Variants in TRIM49 observed in about 807,000 individuals in gnomAD.
TRIM49 encodes the protein tripartite motif containing 49.
Under a neutral mutation model 27.4 loss-of-function variants are expected in TRIM49, and 5 were observed. The observed-to-expected ratio is 0.18, with a 90% CI of 0.10 to 0.38. The LOEUF is 0.38. Ranked by LOEUF, TRIM49 falls within the 10% of genes least tolerant of loss-of-function variation. The probability of loss-of-function intolerance (pLI) is 1.00; values close to 1 mark genes in which losing one functional copy is unlikely to be tolerated. For missense variants in TRIM49, 188 were observed against 487.5 expected (o/e 0.39, Z 5.79); for synonymous variants, 69 against 166.0 (o/e 0.42, Z 4.49).
At chr11:89,771,951 G>A in the TRIM49 span, among the ~76,000 whole-genome samples, 1 of 103,976 alleles carries the variant, frequency 9.6e-6, no homozygotes. Flanking sequence ...TAGTTTTAAA[G>A]CTTTTGACCT....
chr11:89,785,124 C>T, the TRIM49 span, among the ~76,000 whole-genome samples: 2 of 146,632 alleles, frequency 1.4e-5, no homozygotes, highest in Non-Finnish European at 3.0e-5. Flanking sequence ...GAGGCTGAGG[C>T]AGGATAATCA....
At chr11:89,785,348 A>G in the TRIM49 span, among the ~76,000 whole-genome samples, 1 of 143,724 alleles carries the variant, frequency 7.0e-6, no homozygotes, top group Non-Finnish European at 1.5e-5. Flanking sequence ...GGGAAGGAGA[A>G]CATACTTAAC....
downstream of TRIM49, among the ~76,000 whole-genome samples, chr11:89,792,920 C>T (rs1419631171): frequency 2.0e-5 from 3 of 152,124 alleles, no homozygotes; most frequent in African/African-American, 7.2e-5. Flanking sequence ...GAGATAGAGA[C>T]ACAATGAAAC....
the TRIM49 span, chr11:89,785,796 CAAACTT>C: frequency 2.1e-5 from 3 of 145,124 alleles, no homozygotes; most frequent in South Asian, 2.1e-4. Context: ...AAAATAAAAA[CAAACTT>C]AATAATGTAA....
chr11:89,791,660 G>C, the TRIM49 span, among the ~76,000 whole-genome samples: 1 of 151,700 alleles, frequency 6.6e-6, no homozygotes, highest in African/African-American at 2.4e-5. Flanking sequence ...ATAAGTGAAG[G>C]AGAAATAAAC....
the TRIM49 span, among the ~76,000 whole-genome samples, chr11:89,768,626 A>C: frequency 1.8e-4 from 25 of 135,338 alleles, 5 homozygotes; most frequent in Middle Eastern, 7.2e-3. Context: ...AGAAAAGTTT[A>C]ATGTCTGATA....
At chr11:89,802,576 CACACACAT>C (rs1464192652) in intron 4 of TRIM49, among the ~76,000 whole-genome samples, 15 of 147,644 alleles carry the variant, frequency 1.0e-4, no homozygotes, top group Non-Finnish European at 8.9e-5. Context: ...TATACAAACA[CACACACAT>C]ACATACATAC....
the TRIM49 span, chr11:89,777,856 T>C: frequency 4.0e-6 from 2 of 496,542 alleles, no homozygotes; most frequent in East Asian, 7.7e-5. Flanking sequence ...GCCTTTTTTT[T>C]TATTGATAAG....
chr11:89,796,157 T>C (rs1232034167), downstream of TRIM49, among the ~76,000 whole-genome samples: 4 of 152,034 alleles, frequency 2.6e-5, no homozygotes, highest in Non-Finnish European at 5.9e-5. Flanking sequence ...GCTTTCTCAG[T>C]TATTTTAAAT....
the TRIM49 span, among the ~76,000 whole-genome samples, chr11:89,789,957 G>A: frequency 6.7e-6 from 1 of 150,014 alleles, no homozygotes; most frequent in African/African-American, 2.5e-5. Flanking sequence ...GGAGGATGAG[G>A]CATCGCCTCA....
At chr11:89,772,312 T>A in the TRIM49 span, among the ~76,000 whole-genome samples, 1 of 134,310 alleles carries the variant, frequency 7.4e-6, no homozygotes, top group African/African-American at 3.5e-5. Context: ...TAGTCAACAG[T>A]AGGCTATTGA....
chr11:89,806,001 C>T (rs1187158479), intron 2 of TRIM49, among the ~76,000 whole-genome samples: 6 of 150,972 alleles, frequency 4.0e-5, no homozygotes, highest in East Asian at 1.9e-4. Flanking sequence ...ATTCTAGGCA[C>T]GCGCCACAGT....
chr11:89,770,791 G>A, the TRIM49 span, among the ~76,000 whole-genome samples: 1,444 of 135,878 alleles, frequency 0.011, 6 homozygotes, highest in African/African-American at 0.017. Context: ...GCGTGAACCC[G>A]GGAGGCGGAG....
At chr11:89,805,369 G>T (rs1949781037) in intron 2 of TRIM49, among the ~76,000 whole-genome samples, 1 of 150,102 alleles carries the variant, frequency 6.7e-6, no homozygotes, top group Admixed American at 6.6e-5. Flanking sequence ...CTGTGAAGGT[G>T]TTTCTAGAGG....
the TRIM49 span, chr11:89,777,220 A>G: frequency 6.5e-7 from 1 of 1,548,740 alleles, no homozygotes; most frequent in South Asian, 1.2e-5. Flanking sequence ...CAGACAGACC[A>G]GACCTCAGAA....
chr11:89,773,929 A>G, the TRIM49 span, among the ~76,000 whole-genome samples: 1 of 136,146 alleles, frequency 7.3e-6, no homozygotes, highest in Non-Finnish European at 1.5e-5. Context: ...AGAGCAAGAT[A>G]CCGTCTCAAA....
chr11:89,794,187 G>A (rs550627812), downstream of TRIM49, among the ~76,000 whole-genome samples: 7 of 121,772 alleles, frequency 5.7e-5, no homozygotes, highest in Admixed American at 8.7e-5. Context: ...AAAGAGACGT[G>A]AAGGACCTCT....
chr11:89,776,899 C>A, the TRIM49 span: 2 of 1,460,022 alleles, frequency 1.4e-6, no homozygotes, highest in African/African-American at 1.4e-5. Flanking sequence ...AAATTGTCCA[C>A]CGGCCTTTTT....
At chr11:89,769,457 AG>A in the TRIM49 span, among the ~76,000 whole-genome samples, 1 of 136,626 alleles carries the variant, frequency 7.3e-6, no homozygotes, top group African/African-American at 3.4e-5. Flanking sequence ...CCTAGTTACC[AG>A]TAGCTCTAGA....
Sources: gnomAD v4.1 joint callset for allele counts (sites outside exome capture counted in the v4.1 genomes callset) on GRCh38, gnomAD v4.1.1 for gene constraint, MANE v1.5 for transcripts, NCBI Gene and HGNC (gene_info 2026-07-23, HGNC 2026-07-21) for gene names.